Variants in ZNRF1 observed in about 807,000 individuals in gnomAD.
The protein encoded by ZNRF1 is E3 ubiquitin-protein ligase ZNRF1.
Under a neutral mutation model 18.4 loss-of-function variants are expected in ZNRF1, and 3 were observed. The observed-to-expected ratio is 0.16, with a 90% CI of 0.07 to 0.42. ZNRF1 has a LOEUF of 0.42. Ranked by LOEUF, ZNRF1 falls within the 10% of genes least tolerant of loss-of-function variation. The probability of loss-of-function intolerance (pLI) is 0.99; values close to 1 mark genes in which losing one functional copy is unlikely to be tolerated. For synonymous variants in ZNRF1, 157 were observed against 144.2 expected (o/e 1.09, Z -0.64); for missense variants, 310 against 329.8 (o/e 0.94, Z 0.47).
At chr16:75,045,905 T>A (rs1294329760) in intron 1 of ZNRF1, among the ~76,000 whole-genome samples, 2 of 151,792 alleles carry the variant, frequency 1.3e-5, no homozygotes, top group East Asian at 3.9e-4. Flanking sequence ...TGCTTTTTTT[T>A]TTATTTTTAT....
In ZNRF1 at chr16:75,024,819, G is replaced by T. The variant is rs188416296; in HGVS notation, c.424+24724G>T. Among the ~76,000 whole-genome samples, 549 of 152,248 alleles carry T rather than the reference G, an allele frequency of 3.6e-3. 7 individuals are homozygous for T. The highest frequency in any genetic ancestry group is 2.6e-3 in the Non-Finnish European group (180 of 68,026). On this transcript the variant is annotated intron_variant, in intron 1 of 4. Coordinates refer to ENST00000335325, the MANE Select transcript of ZNRF1 (RefSeq NM_032268.5). ...AACAAAAGTTCTTCCTGCTTCTTTC[G>T]TGGTCACAAAAATAATCAGAATATT...
intron 1 of ZNRF1, among the ~76,000 whole-genome samples, chr16:75,082,647 G>A (rs543928041): frequency 5.4e-4 from 82 of 152,272 alleles, no homozygotes; most frequent in African/African-American, 1.9e-3. Flanking sequence ...TCAACTTACT[G>A]GGCTCCAGCC....
intron 1 of ZNRF1, among the ~76,000 whole-genome samples, chr16:75,020,833 C>T (rs557182164): frequency 2.0e-4 from 30 of 151,932 alleles, no homozygotes; most frequent in African/African-American, 6.8e-4. Flanking sequence ...TGAGCCACCG[C>T]GCCCGGCCCC....
intron 1 of ZNRF1, among the ~76,000 whole-genome samples, chr16:75,062,212 G>C (rs1468056577): frequency 6.6e-6 from 1 of 152,212 alleles, no homozygotes; most frequent in East Asian, 1.9e-4. Context: ...AGAACCTTCT[G>C]CGTTCAAGAG....
intron 1 of ZNRF1, among the ~76,000 whole-genome samples, chr16:75,074,111 T>C (rs2035908815): frequency 6.6e-6 from 1 of 152,164 alleles, no homozygotes; most frequent in Non-Finnish European, 1.5e-5. Context: ...CTCGTGCTGC[T>C]CCTTCCGCGT....
intron 1 of ZNRF1, 142 bp downstream of exon 1, chr16:75,000,237 A>T: frequency 8.6e-7 from 1 of 1,157,748 alleles, no homozygotes. Context: ...CAAGGGATAA[A>T]TGGGATACCT....
At chr16:75,077,259 G>A (rs1029146813) in intron 1 of ZNRF1, among the ~76,000 whole-genome samples, 9 of 152,224 alleles carry the variant, frequency 5.9e-5, no homozygotes, top group African/African-American at 2.2e-4. Flanking sequence ...GGGGCTGGGC[G>A]CGGTGGCTCA....
In ZNRF1 at chr16:75,110,603, G is replaced by A. The variant is rs1358135178; in HGVS notation, c.*2903G>A. ...TACACAAAGCAAATAAGGCCAAAATGTTCATTGTTGAATCTGCAGTGGCTG... is the reference window on the plus strand; with the variant it reads ...TACACAAAGCAAATAAGGCCAAAATATTCATTGTTGAATCTGCAGTGGCTG... On this transcript the variant is annotated 3_prime_UTR_variant, in exon 5 of 5. Transcript: ENST00000335325. The A allele has an allele frequency of 1.3e-5, 2 of 152,220 alleles. No individual in the cohort carries two copies. The highest frequency in any genetic ancestry group is 2.4e-5 in the African/African-American group (1 of 41,456). 9.4% of individuals were successfully genotyped at this position (152,220 alleles called of 1,614,324 possible).
chr16:75,104,689 C>A, intron 2 of ZNRF1, 95 bp from the exon 3 acceptor site: 1 of 1,094,208 alleles, frequency 9.1e-7, no homozygotes, highest in Non-Finnish European at 1.3e-6. Flanking sequence ...CTTGGGGCAG[C>A]TAAGCAGTCC....
At chr16:75,004,278 CAG>C (rs1033408322) in intron 1 of ZNRF1, among the ~76,000 whole-genome samples, 1 of 152,162 alleles carries the variant, frequency 6.6e-6, no homozygotes, top group African/African-American at 2.4e-5. Context: ...TTTATAGAAG[CAG>C]AGTGACTCCC....
chr16:75,060,473 C>CTTTTT (rs34182819), intron 1 of ZNRF1, among the ~76,000 whole-genome samples: 1 of 70,248 alleles, frequency 1.4e-5, no homozygotes, highest in Non-Finnish European at 2.6e-5. Context: ...CTCAGAAAAT[C>CTTTTT]TTTTTTTTTT....
At chr16:75,026,269 T>A (rs11862271) in intron 1 of ZNRF1, among the ~76,000 whole-genome samples, 8,845 of 152,162 alleles carry the variant, frequency 0.058, 454 homozygotes, top group Admixed American at 0.12. Flanking sequence ...TTTTTTTTTT[T>A]AAGCTGTTGC....
At chr16:75,056,261 C>T (rs964105603) in intron 1 of ZNRF1, among the ~76,000 whole-genome samples, 1 of 152,182 alleles carries the variant, frequency 6.6e-6, no homozygotes, top group East Asian at 1.9e-4. Context: ...TTCAGCCCAG[C>T]GTGTAAGCCT....
At chr16:75,069,074 AAGGGG>A (rs983541507) in intron 1 of ZNRF1, among the ~76,000 whole-genome samples, 2 of 152,122 alleles carry the variant, frequency 1.3e-5, no homozygotes, top group African/African-American at 4.8e-5. Context: ...TCTTTAGCCA[AAGGGG>A]TGAACAGCGT....
In ZNRF1 at chr16:74,999,600, C is replaced by T; in HGVS notation, c.-72C>T. On this transcript the variant is annotated 5_prime_UTR_variant, in exon 1 of 5. Coordinates refer to ENST00000335325, the MANE Select transcript of ZNRF1 (RefSeq NM_032268.5). ...CCTCCCCCTTTATGCTCGCCCAGCC[C>T]TCCCCCTGCTGCTGAGAAGTGGGGG... 1 of 1,144,830 alleles carries T rather than the reference C, an allele frequency of 8.7e-7. No individual in the cohort carries two copies. The highest frequency in any genetic ancestry group is 4.1e-5 in the Admixed American group (1 of 24,224). The allele number at this position is 1,144,830 out of a possible 1,614,324, so 70.9% of individuals were successfully genotyped here.
intron 1 of ZNRF1, among the ~76,000 whole-genome samples, chr16:75,072,397 C>T (rs778915802): frequency 2.6e-5 from 4 of 152,204 alleles, no homozygotes; most frequent in Non-Finnish European, 4.4e-5. Context: ...CTTTTGGGAC[C>T]TTGCCTTGTC....
intron 1 of ZNRF1, among the ~76,000 whole-genome samples, chr16:75,093,046 G>A (rs1409439536): frequency 6.6e-6 from 1 of 152,190 alleles, no homozygotes; most frequent in African/African-American, 2.4e-5. Context: ...ACATAAGGCA[G>A]GGTGAGCCCT....
chr16:75,087,774 G>A (rs186303621), intron 1 of ZNRF1, among the ~76,000 whole-genome samples: 2 of 152,336 alleles, frequency 1.3e-5, no homozygotes, highest in East Asian at 1.9e-4. Context: ...GATTGCCTAC[G>A]GTGAACCAGT....
intron 1 of ZNRF1, among the ~76,000 whole-genome samples, chr16:75,056,819 G>C (rs1415896485): frequency 6.6e-6 from 1 of 151,996 alleles, no homozygotes; most frequent in Non-Finnish European, 1.5e-5. Context: ...TAGAGATGGG[G>C]TAACTTAAGA....
Sources: allele counts gnomAD v4.1 joint callset (sites outside exome capture counted in the v4.1 genomes callset), GRCh38; gene constraint gnomAD v4.1.1; transcripts MANE v1.5; gene names NCBI Gene and HGNC (gene_info 2026-07-23, HGNC 2026-07-21).